The following PRKN variants were observed in gnomAD, a reference collection of about 807,000 sequenced individuals.
The protein encoded by PRKN is E3 ubiquitin-protein ligase parkin.
A neutral mutation model predicts 59.5 loss-of-function variants in PRKN; 56 were observed. That is an observed-to-expected ratio of 0.94 (90% CI 0.76 to 1.18). The LOEUF (loss-of-function observed/expected upper bound fraction) is 1.18. PRKN is among the 50% of genes most tolerant of loss of function. The probability of loss-of-function intolerance (pLI) is 0.00; values close to 1 mark genes in which losing one functional copy is unlikely to be tolerated. For synonymous variants in PRKN, 250 were observed against 222.1 expected (o/e 1.13, Z -1.12); for missense variants, 657 against 596.4 (o/e 1.10, Z -1.06).
chr6:162,553,454 C>A (rs535978819), intron 1 of PRKN, among the ~76,000 whole-genome samples: 2 of 150,220 alleles, frequency 1.3e-5, no homozygotes, highest in South Asian at 4.2e-4. Flanking sequence ...GGAGCTCATA[C>A]CTCAGGAAAC....
At chr6:161,491,763 T>C (rs1206364227) in intron 9 of PRKN, among the ~76,000 whole-genome samples, 2 of 152,108 alleles carry the variant, frequency 1.3e-5, no homozygotes, top group African/African-American at 4.8e-5. Context: ...CCTGAGTAGC[T>C]GGGATTACAG....
At chr6:161,751,397 T>C (rs1402592384) in intron 7 of PRKN, among the ~76,000 whole-genome samples, 1 of 152,170 alleles carries the variant, frequency 6.6e-6, no homozygotes, top group African/African-American at 2.4e-5. Flanking sequence ...ATTAAAGCCT[T>C]CCCATTCTTG....
intron 6 of PRKN, among the ~76,000 whole-genome samples, chr6:161,964,061 C>T (rs1173841378): frequency 6.6e-6 from 1 of 152,070 alleles, no homozygotes; most frequent in African/African-American, 2.4e-5. Flanking sequence ...TCCGGCCTCA[C>T]CAGATAGCCT....
At chr6:162,686,851 C>A (rs1253581915) in intron 1 of PRKN, among the ~76,000 whole-genome samples, 1 of 152,118 alleles carries the variant, frequency 6.6e-6, no homozygotes, top group East Asian at 1.9e-4. Flanking sequence ...TTTCTGGGTT[C>A]TCTATTCTGT....
rs1790099531 is a variant in PRKN at position 161,459,165 on chromosome 6, TCAC to T, written c.1084-72291_1084-72289del. Among the ~76,000 whole-genome samples, 5 of 152,272 alleles carry T rather than the reference TCAC, an allele frequency of 3.3e-5. No individual in the cohort carries two copies. The South Asian group carries it at 1.0e-3, about 32-fold the overall frequency. On this transcript the variant is annotated intron_variant, in intron 9 of 11. Coordinates refer to ENST00000366898, the MANE Select transcript of PRKN (RefSeq NM_004562.3). The surrounding 1 kb of genome is among the most constrained non-coding windows in gnomAD (Gnocchi z 4.8). ...GGTACTTAGCACCTGCCCTCAGTGA[TCAC>T]CATTTTTCAGGTAAGACTTGTTCTC...
intron 1 of PRKN, among the ~76,000 whole-genome samples, chr6:162,605,049 A>G (rs1186523709): frequency 2.0e-5 from 3 of 152,190 alleles, no homozygotes; most frequent in Non-Finnish European, 4.4e-5. Context: ...TGTATTTCTA[A>G]TCATAAAGTA....
intron 1 of PRKN, among the ~76,000 whole-genome samples, chr6:162,657,173 T>C (rs1778674164): frequency 6.6e-6 from 1 of 152,182 alleles, no homozygotes; most frequent in Non-Finnish European, 1.5e-5. Context: ...AATGAAAAAA[T>C]GAATACATTG....
chr6:162,727,498 G>A (rs1490131981), intron 1 of PRKN, among the ~76,000 whole-genome samples, 164 bp downstream of exon 1: 3 of 152,090 alleles, frequency 2.0e-5, no homozygotes, highest in African/African-American at 7.2e-5. Flanking sequence ...GACCCGCGTC[G>A]CTGAGCTGGG....
chr6:161,403,751 G>A (rs560222292), intron 9 of PRKN, among the ~76,000 whole-genome samples: 2 of 152,240 alleles, frequency 1.3e-5, no homozygotes, highest in South Asian at 2.1e-4. Context: ...TTTTATTCAC[G>A]TGAAGTCTTT....
chr6:161,891,181 G>A (rs1229612445), intron 6 of PRKN, among the ~76,000 whole-genome samples: 1 of 152,152 alleles, frequency 6.6e-6, no homozygotes, highest in African/African-American at 2.4e-5. Context: ...GGGAGAGGGT[G>A]TTCCGGAGGC....
At chr6:161,879,067 C>T (rs188367172) in intron 6 of PRKN, among the ~76,000 whole-genome samples, 5 of 152,234 alleles carry the variant, frequency 3.3e-5, no homozygotes, top group African/African-American at 1.2e-4. Flanking sequence ...TGCTCCAAAC[C>T]TTATATCATT....
chr6:162,142,143 G>A (rs73783421), intron 4 of PRKN, among the ~76,000 whole-genome samples: 3,750 of 152,288 alleles, frequency 0.025, 122 homozygotes, highest in African/African-American at 0.083. Context: ...AGGAGAGAAG[G>A]AGAGTAGCCA....
chr6:162,363,131 CAAAAAAA>C (rs34722234), intron 2 of PRKN, among the ~76,000 whole-genome samples: 29 of 98,390 alleles, frequency 2.9e-4, no homozygotes, highest in East Asian at 1.0e-3. Context: ...CCTTCTCAAA[CAAAAAAA>C]AAAAAAAAAA....
intron 4 of PRKN, among the ~76,000 whole-genome samples, chr6:162,092,174 C>T (rs998288159): frequency 2.6e-5 from 4 of 151,882 alleles, no homozygotes; most frequent in South Asian, 2.1e-4. Context: ...GCCAACATGG[C>T]GAAACCCCGG....
chr6:161,369,846 A>G lies in PRKN; in HGVS notation c.1168-9641T>C. On this transcript the variant is annotated intron_variant, in intron 10 of 11. Coordinates refer to ENST00000366898, the MANE Select transcript of PRKN (RefSeq NM_004562.3). This position sits in a 1 kb window ranked among gnomAD's most constrained non-coding sequence, Gnocchi z 5.8. ...ATATATTTCATATACATATAGAGAG[A>G]GACAGAGAGAATCAAAATTCCCTCA... The G allele has an allele frequency of 1.1e-5, 3 of 275,334 alleles. No individual in the cohort carries two copies. Among genetic ancestry groups the G allele is most frequent in the Admixed American group, 6.6e-5 (2 of 30,208 alleles). 17.1% of individuals were successfully genotyped at this position (275,334 alleles called of 1,614,324 possible). A position where few individuals can be genotyped will look rare whatever the true frequency, so the allele number is the denominator to read the frequency against.
intron 4 of PRKN, among the ~76,000 whole-genome samples, chr6:162,152,436 G>A (rs1256325096): frequency 1.3e-5 from 2 of 152,084 alleles, no homozygotes; most frequent in African/African-American, 4.8e-5. Context: ...TAACTGGCCC[G>A]CTATCATTTC....
intron 3 of PRKN, among the ~76,000 whole-genome samples, chr6:162,226,828 G>A (rs905359799): frequency 2.0e-5 from 3 of 152,190 alleles, no homozygotes; most frequent in African/African-American, 7.2e-5. Flanking sequence ...GAATTCCTAG[G>A]CATGGGCAGC....
chr6:162,509,530 T>A (rs1256041643), intron 1 of PRKN, among the ~76,000 whole-genome samples: 1 of 152,198 alleles, frequency 6.6e-6, no homozygotes, highest in Non-Finnish European at 1.5e-5. Context: ...AGGTAAATCA[T>A]GCATAATTCA....
chr6:162,098,984 A>T (rs1258792512), intron 4 of PRKN, among the ~76,000 whole-genome samples: 1 of 152,230 alleles, frequency 6.6e-6, no homozygotes, highest in East Asian at 1.9e-4. Flanking sequence ...TTTCACACAC[A>T]GAAGCCATGC....
Sources: gnomAD v4.1 joint callset for allele counts (sites outside exome capture counted in the v4.1 genomes callset) on GRCh38, gnomAD v4.1.1 for gene constraint, Gnocchi (gnomAD v3.1) non-coding constraint, MANE v1.5 for transcripts, NCBI Gene and HGNC (gene_info 2026-07-23, HGNC 2026-07-21) for gene names.